Variants in IDO2 observed in about 807,000 individuals in gnomAD.
The protein encoded by IDO2 is indoleamine 2,3-dioxygenase 2, also known as indoleamine 2,3-dioxygenase-like 1 protein.
In IDO2, 46 loss-of-function variants were observed where a neutral mutation model predicts 45.1. That is an observed-to-expected ratio of 1.02 (90% CI 0.80 to 1.30). The LOEUF is 1.30. Ranked by LOEUF, IDO2 falls within the 50% of genes most tolerant of loss-of-function variation. The pLI is 0.00. For synonymous variants in IDO2, 218 were observed against 184.9 expected (o/e 1.18, Z -1.45); for missense variants, 544 against 491.8 (o/e 1.11, Z -1.00).
At chr8:39,980,163 T>C (rs1563433612) in intron 4 of IDO2, among the ~76,000 whole-genome samples, 1 of 152,230 alleles carries the variant, frequency 6.6e-6, no homozygotes, top group Admixed American at 6.5e-5. Context: ...CACAGCATTT[T>C]GTACTCTTAT....
chr8:39,941,782 G>A (rs1358920411), intron 1 of IDO2, among the ~76,000 whole-genome samples: 1 of 152,040 alleles, frequency 6.6e-6, no homozygotes, highest in Non-Finnish European at 1.5e-5. Context: ...AACCAGAAAT[G>A]CATGATTCTA....
chr8:39,950,171 GTTA>G (rs1228582360), intron 2 of IDO2, among the ~76,000 whole-genome samples: 5 of 152,064 alleles, frequency 3.3e-5, no homozygotes, highest in Non-Finnish European at 7.3e-5. Flanking sequence ...TTGACTTTTA[GTTA>G]TTATTATTAT....
chr8:39,994,952 G>A (rs1318464634), intron 8 of IDO2, among the ~76,000 whole-genome samples: 1 of 149,648 alleles, frequency 6.7e-6, no homozygotes. Context: ...CAAAGATCAA[G>A]AGCACACTAC....
intron 6 of IDO2, chr8:39,987,637 G>A (rs1808444598): frequency 2.1e-6 from 1 of 481,986 alleles, no homozygotes; most frequent in Non-Finnish European, 3.7e-6. Context: ...TTAGGGCCAT[G>A]CTAGACATTG....
At chr8:40,001,848 T>C (rs1802142624) in intron 8 of IDO2, among the ~76,000 whole-genome samples, 1 of 151,990 alleles carries the variant, frequency 6.6e-6, no homozygotes, top group African/African-American at 2.4e-5. Flanking sequence ...GTGCAGTGGG[T>C]TGATCTCAGC....
chr8:40,016,122 T>C (rs62511408), exon 11 of IDO2: 79,499 of 392,872 alleles, frequency 0.2, 9,119 homozygotes, highest in East Asian at 0.37. Context: ...GATGGGAAGA[T>C]AGAGGATGCT....
chr8:39,982,809 T>C (rs1808373969), intron 5 of IDO2, 39 bp downstream of exon 5: 6 of 1,304,140 alleles, frequency 4.6e-6, no homozygotes, highest in Non-Finnish European at 2.1e-6. Context: ...TCCATAACTT[T>C]CCCCCAGGAA....
chr8:39,991,620 G>C (rs960062964), intron 8 of IDO2, among the ~76,000 whole-genome samples: 1 of 146,816 alleles, frequency 6.8e-6, no homozygotes, highest in African/African-American at 2.5e-5. Flanking sequence ...ACTCAGGCTG[G>C]AGTGCAGTGG....
At chr8:39,968,810 T>C (rs1808136497) in intron 3 of IDO2, among the ~76,000 whole-genome samples, 1 of 151,644 alleles carries the variant, frequency 6.6e-6, no homozygotes, top group South Asian at 2.1e-4. Flanking sequence ...CAAACCACCA[T>C]GGCACATGTA....
At position 39,965,736 on chromosome 8, in the gene IDO2, C is replaced by T. The variant is rs145990807; in HGVS notation, c.195+2033C>T. Among the ~76,000 whole-genome samples the T allele has an allele frequency of 1.8e-3, 273 of 151,988 alleles. 1 individual carries two copies. Among genetic ancestry groups the T allele is most frequent in the African/African-American group, 4.3e-3 (179 of 41,466 alleles). On this transcript the variant is annotated intron_variant, in intron 3 of 10. Coordinates refer to ENST00000502986, the Ensembl canonical transcript of IDO2. ...AACATAGACTCAAGGGAAAACATCA[C>T]GTGAAGATGGAGGTAGAATTGGAAT...
intron 8 of IDO2, among the ~76,000 whole-genome samples, chr8:40,002,784 A>T (rs530212989): frequency 8.5e-5 from 13 of 152,186 alleles, no homozygotes; most frequent in Admixed American, 2.6e-4. Flanking sequence ...CATCTCCAAA[A>T]ATAAATAAAT....
intron 8 of IDO2, chr8:39,995,229 TTCTCCTTCTCCTTCTCCTTCTC>T (rs1563438242): frequency 3.0e-4 from 26 of 87,124 alleles, no homozygotes; most frequent in African/African-American, 1.3e-3. Flanking sequence ...CTCCTTCTCC[TTCTCCTTCTCCTTCTCCTTCTC>T]CTTCTTCTTC....
chr8:39,996,631 C>A (rs1359103388), intron 8 of IDO2, among the ~76,000 whole-genome samples: 3 of 151,878 alleles, frequency 2.0e-5, no homozygotes. Context: ...CTCTTGTCTC[C>A]GCACACGAGG....
At chr8:39,941,238 A>AAAAAAAAAAAAC (rs1807638302) in intron 1 of IDO2, among the ~76,000 whole-genome samples, 1 of 151,044 alleles carries the variant, frequency 6.6e-6, no homozygotes, top group African/African-American at 2.4e-5. Context: ...AAAAAAAAAA[A>AAAAAAAAAAAAC]AGCCTCCTGA....
intron 5 of IDO2, chr8:39,985,282 TG>T: frequency 1.8e-6 from 1 of 555,662 alleles, no homozygotes; most frequent in Non-Finnish European, 3.2e-6. Flanking sequence ...GGAATGTGAG[TG>T]GAAATGTCGC....
chr8:39,954,538 G>A (rs1364799764), intron 2 of IDO2, among the ~76,000 whole-genome samples: 1 of 151,978 alleles, frequency 6.6e-6, no homozygotes, highest in Non-Finnish European at 1.5e-5. Context: ...AAGGTGTCGT[G>A]GAGTTGGTTT....
intron 9 of IDO2, among the ~76,000 whole-genome samples, chr8:40,010,157 C>T (rs529021104): frequency 1.9e-4 from 29 of 152,232 alleles, no homozygotes; most frequent in South Asian, 1.0e-3. Flanking sequence ...TAGAGACTGT[C>T]GAATGTAGTG....
At chr8:39,990,010 C>T (rs1390215432) in intron 8 of IDO2, among the ~76,000 whole-genome samples, 172 bp downstream of exon 8, 1 of 152,170 alleles carries the variant, frequency 6.6e-6, no homozygotes, top group Non-Finnish European at 1.5e-5. Flanking sequence ...TCTTGGAGAG[C>T]TATTGTCACA....
At chr8:39,989,668 G>T (rs984248844) in intron 7 of IDO2, 53 bp from the exon 8 acceptor site, 2 of 1,263,122 alleles carry the variant, frequency 1.6e-6, no homozygotes, top group Non-Finnish European at 1.1e-6. Context: ...TACTCTGCCT[G>T]CATGGACTTT....
Sources: allele counts gnomAD v4.1 joint callset (sites outside exome capture counted in the v4.1 genomes callset), GRCh38; gene constraint gnomAD v4.1.1; transcripts MANE v1.5; gene names NCBI Gene and HGNC (gene_info 2026-07-23, HGNC 2026-07-21).